The following LYRM4 variants were observed in gnomAD, a reference collection of about 807,000 sequenced individuals.
LYRM4 encodes the protein LYR motif-containing protein 4.
In LYRM4, 9 loss-of-function variants were observed where a neutral mutation model predicts 11.7. That is an observed-to-expected ratio of 0.77 (90% CI 0.46 to 1.34). The LOEUF (loss-of-function observed/expected upper bound fraction) is 1.34. Ranked by LOEUF, LYRM4 falls within the 40% of genes most tolerant of loss-of-function variation. The pLI, the probability that LYRM4 is intolerant of heterozygous loss-of-function variation, is 0.00. For missense variants in LYRM4, 133 were observed against 112.5 expected (o/e 1.18, Z -0.82); for synonymous variants, 42 against 40.4 (o/e 1.04, Z -0.15).
In LYRM4 at chr6:5,201,990, T is replaced by G. The variant is rs550274265; in HGVS notation, c.207+14628A>C. 4.6e-5 allele frequency among the ~76,000 whole-genome samples: 7 copies of G among 152,318 alleles called. No homozygotes were observed. In the East Asian group the frequency reaches 1.4e-3, roughly 29 times the overall value. ...CCTCATCTGCAAAATAAGGAGGCCC[T>G]GCAGGGTCATCCTCTTTCATGAAAT... On this transcript the variant is annotated intron_variant, in intron 2 of 2. Transcript: ENST00000330636.
At chr6:5,178,722 T>C (rs1334769397) in intron 2 of LYRM4, among the ~76,000 whole-genome samples, 2 of 140,266 alleles carry the variant, frequency 1.4e-5, no homozygotes, top group African/African-American at 5.3e-5. Context: ...GAAGAATCGC[T>C]TGAACCCGGG....
chr6:5,129,904 T>G (rs1278326123), intron 2 of LYRM4, among the ~76,000 whole-genome samples: 2 of 152,234 alleles, frequency 1.3e-5, no homozygotes, highest in Non-Finnish European at 2.9e-5. Flanking sequence ...AGATTCGTGC[T>G]GAGGTGAAGC....
chr6:5,256,534 T>C (rs1193923770), intron 1 of LYRM4, among the ~76,000 whole-genome samples: 1 of 103,060 alleles, frequency 9.7e-6, no homozygotes, highest in African/African-American at 3.6e-5. Flanking sequence ...AAAAAAAGAA[T>C]GTGGTTCTTA....
Position 5,260,892 on chromosome 6 carries a change from G to C in LYRM4, c.-159C>G, listed in dbSNP as rs907400214. 3.6e-6 allele frequency: 5 copies of C among 1,403,460 alleles called. No homozygotes were observed. The highest frequency in any genetic ancestry group is 4.6e-6 in the Non-Finnish European group (5 of 1,085,176). 86.9% of individuals were successfully genotyped at this position (1,403,460 alleles called of 1,614,324 possible). A position where few individuals can be genotyped will look rare whatever the true frequency, so the allele number is the denominator to read the frequency against. On this transcript the variant is annotated 5_prime_UTR_variant, in exon 1 of 3. Coordinates refer to ENST00000330636, the MANE Select transcript of LYRM4 (RefSeq NM_020408.6). ...CCTAAGCCTAAGCGGGCAGCCCTGC[G>C]GATCGCGGACGGCGCCAGGCGTCCC...
Position 5,239,914 on chromosome 6 carries a change from C to T in LYRM4, c.86+20734G>A, listed in dbSNP as rs146618228. 7.9e-5 allele frequency among the ~76,000 whole-genome samples: 12 copies of T among 152,256 alleles called. No homozygotes were observed. The East Asian group carries it at 2.1e-3, about 27-fold the overall frequency. The stretch of plus-strand genomic sequence containing the variant: ...CATAGGGAACAGTACCTGGCCATGG[C>T]GCAGAACAAGTGCATGAGAGGACAG... On this transcript the variant is annotated intron_variant, in intron 1 of 2. Transcript: ENST00000330636.
At chr6:5,197,711 A>G (rs765045368) in intron 2 of LYRM4, among the ~76,000 whole-genome samples, 11 of 152,100 alleles carry the variant, frequency 7.2e-5, no homozygotes, top group Non-Finnish European at 1.2e-4. Context: ...AATATATTTT[A>G]ATATTCACAG....
rs185280069 is a variant in LYRM4, at chr6:5,156,776, G to A, written c.208-47285C>T. 3.5e-4 allele frequency among the ~76,000 whole-genome samples: 53 copies of A among 152,284 alleles called. No individual in the cohort carries two copies. In the South Asian group the frequency reaches 6.2e-3, roughly 18 times the overall value. On this transcript the variant is annotated intron_variant, in intron 2 of 2. Transcript: ENST00000330636. ...CTCTTCTTCAGGGAGGGGTGGTGAC[G>A]GGGAAAGATGGATAGGAGAGTACGG...
chr6:5,072,581 T>G, the LYRM4 span, among the ~76,000 whole-genome samples: 91 of 151,892 alleles, frequency 6.0e-4, no homozygotes, highest in African/African-American at 2.1e-3. Flanking sequence ...TCAAAGTTTT[T>G]TTTTTTTTTT....
chr6:5,153,664 A>G (rs1484912539), intron 2 of LYRM4, among the ~76,000 whole-genome samples: 1 of 152,232 alleles, frequency 6.6e-6, no homozygotes, highest in Non-Finnish European at 1.5e-5. Context: ...AGTGATGCTC[A>G]ACAAAATCAC....
At chr6:5,223,333 C>T (rs2127732386) in intron 1 of LYRM4, among the ~76,000 whole-genome samples, 1 of 152,276 alleles carries the variant, frequency 6.6e-6, no homozygotes, top group East Asian at 1.9e-4. Flanking sequence ...GTGCTAAGTA[C>T]TTGATACATA....
chr6:5,177,458 C>T (rs1411168824), intron 2 of LYRM4, among the ~76,000 whole-genome samples: 1 of 152,228 alleles, frequency 6.6e-6, no homozygotes. Context: ...CTCTAGGGGG[C>T]ACCATTCAGT....
intron 2 of LYRM4, among the ~76,000 whole-genome samples, chr6:5,203,706 G>A (rs771165297): frequency 2.0e-5 from 3 of 152,158 alleles, no homozygotes; most frequent in Non-Finnish European, 2.9e-5. Context: ...AAAAGCGGCC[G>A]GGGAAGTCAG....
the LYRM4 span, among the ~76,000 whole-genome samples, chr6:5,045,988 G>A: frequency 6.6e-6 from 1 of 152,170 alleles, no homozygotes; most frequent in Non-Finnish European, 1.5e-5. Context: ...AAGCGGGAAC[G>A]TCTACCTGCA....
chr6:5,240,946 A>C (rs2773297), intron 1 of LYRM4, among the ~76,000 whole-genome samples: 111,469 of 152,120 alleles, frequency 0.73, 41,072 homozygotes, highest in East Asian at 0.84. Flanking sequence ...GGAAGCAGGG[A>C]ATGTACCTGC....
intron 1 of LYRM4, among the ~76,000 whole-genome samples, chr6:5,226,684 AC>A (rs1208275650): frequency 6.6e-6 from 1 of 152,150 alleles, no homozygotes; most frequent in Non-Finnish European, 1.5e-5. Flanking sequence ...GCCCATTGTT[AC>A]GTTTTTAAAA....
intron 1 of LYRM4, among the ~76,000 whole-genome samples, chr6:5,256,034 C>T (rs1435686812): frequency 6.6e-6 from 1 of 151,934 alleles, no homozygotes; most frequent in Non-Finnish European, 1.5e-5. Context: ...GTGCCGACTA[C>T]AGCCCCCATT....
intron 2 of LYRM4, among the ~76,000 whole-genome samples, chr6:5,169,329 T>G (rs1037153510): frequency 1.3e-5 from 2 of 152,058 alleles, no homozygotes; most frequent in African/African-American, 4.8e-5. Context: ...CTGGCCAGAA[T>G]AAGAACAAAA....
At chr6:5,085,526 G>A in the LYRM4 span, 1 of 1,538,886 alleles carries the variant, frequency 6.5e-7, no homozygotes, top group South Asian at 1.2e-5. Context: ...GAGGCGCCGG[G>A]ACCAGCGCCC....
At chr6:5,120,243 A>G (rs1763371559) in intron 2 of LYRM4, among the ~76,000 whole-genome samples, 1 of 152,196 alleles carries the variant, frequency 6.6e-6, no homozygotes, top group Non-Finnish European at 1.5e-5. Context: ...AGTCGTGGGC[A>G]GCTAGCAGTG....
Sources: gnomAD v4.1 joint callset for allele counts (sites outside exome capture counted in the v4.1 genomes callset) on GRCh38, gnomAD v4.1.1 for gene constraint, MANE v1.5 for transcripts, NCBI Gene and HGNC (gene_info 2026-07-23, HGNC 2026-07-21) for gene names.